GPAM: variants seen among roughly 807,000 people sequenced by gnomAD.
The protein encoded by GPAM is glycerol-3-phosphate acyltransferase, mitochondrial.
GPAM carries 56 observed loss-of-function variants against 105.0 expected under a neutral mutation model. That is an observed-to-expected ratio of 0.53 (90% CI 0.43 to 0.67). GPAM has a LOEUF of 0.67. Among genes scored for constraint, GPAM ranks in the 30% least tolerant of loss-of-function variants. The pLI is 0.00. For synonymous variants in GPAM, 368 were observed against 354.4 expected (o/e 1.04, Z -0.43); for missense variants, 855 against 989.8 (o/e 0.86, Z 1.83).
chr10:112,156,068 G>C lies in GPAM; in HGVS notation c.2122-15C>G, dbSNP rs1384607749. 4 of 1,594,104 alleles carry C rather than the reference G, an allele frequency of 2.5e-6. No individual in the cohort carries two copies. Among genetic ancestry groups the C allele is most frequent in the Non-Finnish European group, 3.4e-6 (4 of 1,163,344 alleles). On this transcript the variant is annotated splice_polypyrimidine_tract_variant and intron_variant, in intron 19 of 21. Transcript: ENST00000348367. ...GATTGGCTCACCTGAGTGTGCAAAA[G>C]CAGGAGATGAAGTCATGAGGAAGGG...
At chr10:112,160,274 C>T (rs1847099022) in intron 16 of GPAM, 1 of 501,792 alleles carries the variant, frequency 2.0e-6, no homozygotes, top group South Asian at 8.5e-5. Context: ...TTCTCTCCTT[C>T]CTCTCTTTTC....
intron 1 of GPAM, among the ~76,000 whole-genome samples, chr10:112,189,900 T>G (rs1013837032): frequency 6.6e-6 from 1 of 152,156 alleles, no homozygotes; most frequent in African/African-American, 2.4e-5. Flanking sequence ...CATTCCTGAT[T>G]GTCACTATGT....
rs561920860 is a variant in GPAM, at chr10:112,178,370, TG to T, written c.226-314del. On this transcript the variant is annotated intron_variant, in intron 4 of 21. Coordinates refer to ENST00000348367, the MANE Select transcript of GPAM (RefSeq NM_001244949.2). ...TTTGAGACCAGCCTGGCCAACATGGTGAAACTCCGTCTCTACCAAAAATATA... is the reference window on the plus strand; with the variant it reads ...TTTGAGACCAGCCTGGCCAACATGGTAAACTCCGTCTCTACCAAAAATATA... Among the ~76,000 whole-genome samples the T allele has an allele frequency of 3.5e-3, 529 of 152,100 alleles. 5 individuals carry two copies. Among genetic ancestry groups the T allele is most frequent in the African/African-American group, 0.011 (464 of 41,512 alleles).
In GPAM at chr10:112,160,757, C is replaced by A; in HGVS notation, c.1606G>T (p.Ala536Ser). The A allele has an allele frequency of 6.2e-7, 1 of 1,614,096 alleles. No individual in the cohort carries two copies. Among genetic ancestry groups the A allele is most frequent in the Non-Finnish European group, 8.5e-7 (1 of 1,179,966 alleles). ...SGNSEDVVMH[A>S]IQLLGNCVTI... ...ACACAATTTCCCAGCAGCTGTATGG[C>A]ATGCATTACTACATCTTCTGAATTT... Residue 536 changes from alanine (A) to serine (S), a missense_variant, in exon 16 of 22, where the codon GCC becomes TCC. Physicochemically the swap from Ala to Ser is moderately conservative, Grantham distance 99. Coordinates refer to ENST00000348367, the MANE Select transcript of GPAM (RefSeq NM_001244949.2).
At chr10:112,170,862 T>G (rs1564679129) in intron 9 of GPAM, among the ~76,000 whole-genome samples, 2 of 152,252 alleles carry the variant, frequency 1.3e-5, no homozygotes, top group African/African-American at 4.8e-5. Flanking sequence ...ACTGACTGCA[T>G]GAATCCATGG....
At chr10:112,168,167 A>G in intron 11 of GPAM, 145 bp downstream of exon 11, 2 of 680,824 alleles carry the variant, frequency 2.9e-6, no homozygotes, top group East Asian at 5.4e-5. Context: ...GCTACTCACC[A>G]TGCCCATCCA....
Position 112,172,271 on chromosome 10 carries a change from G to C in GPAM, c.705C>G (p.Asp235Glu). 6.2e-7 allele frequency: 1 copy of C among 1,610,462 alleles called. No individual in the cohort carries two copies. Among genetic ancestry groups the C allele is most frequent in the Non-Finnish European group, 8.5e-7 (1 of 1,176,744 alleles). ...LFLPVHRSHI[D>E]YLLLTFILFC... The stretch of plus-strand genomic sequence containing the variant: ...AGAGAATGAAAGTGAGCAGCAGATA[G>C]TCAATATGGGATCTATGAACTGGTA... Residue 235 changes from aspartate (D) to glutamate (E), a missense_variant, in exon 9 of 22, where the codon GAC becomes GAG. Asp to Glu is a conservative substitution (Grantham distance 45, BLOSUM62 2). Coordinates refer to ENST00000348367, the MANE Select transcript of GPAM (RefSeq NM_001244949.2).
intron 21 of GPAM, 41 bp from the exon 22 acceptor site, chr10:112,153,707 A>G: frequency 6.3e-7 from 1 of 1,598,024 alleles, no homozygotes. Context: ...CAAAAAATAA[A>G]AAATAAAAAA....
intron 17 of GPAM, 131 bp downstream of exon 17, chr10:112,159,780 G>T: frequency 1.1e-6 from 1 of 907,174 alleles, no homozygotes; most frequent in Non-Finnish European, 1.8e-6. Context: ...GGTGGTCACT[G>T]AAATCCAGGA....
chr10:112,214,936 T>G (rs1429929584), intron 1 of GPAM, among the ~76,000 whole-genome samples: 2 of 152,186 alleles, frequency 1.3e-5, no homozygotes, highest in African/African-American at 4.8e-5. Flanking sequence ...GAATGTTACA[T>G]CACAAACGTG....
chr10:112,170,227 G>C (rs1847289735), intron 9 of GPAM, among the ~76,000 whole-genome samples: 1 of 152,196 alleles, frequency 6.6e-6, no homozygotes, highest in African/African-American at 2.4e-5. Flanking sequence ...GCCACAGTAA[G>C]GTGTTGCCAA....
In GPAM at chr10:112,166,258, C is replaced by T. The variant is rs946740964; in HGVS notation, c.1221+144G>A. ...AAATTTTGTGGAAAAATTTAGGCAA[C>T]ACCACCTTTATCATAGTCCTCATTT... On this transcript the variant is annotated intron_variant, in intron 12 of 21. Coordinates refer to ENST00000348367, the MANE Select transcript of GPAM (RefSeq NM_001244949.2). 6 of 678,130 alleles carry T rather than the reference C, an allele frequency of 8.8e-6. No individual in the cohort carries two copies. The Admixed American group carries it at 1.1e-4, about 12-fold the overall frequency. The allele number at this position is 678,130 out of a possible 1,614,324, so 42.0% of individuals were successfully genotyped here. A position where few individuals can be genotyped will look rare whatever the true frequency, so the allele number is the denominator to read the frequency against.
intron 5 of GPAM, among the ~76,000 whole-genome samples, chr10:112,177,368 A>G (rs1266339504): frequency 6.6e-6 from 1 of 152,204 alleles, no homozygotes; most frequent in Non-Finnish European, 1.5e-5. Flanking sequence ...AAGGACTGCT[A>G]GCATTTGGCT....
At chr10:112,195,311 T>C (rs1461648363) in intron 1 of GPAM, among the ~76,000 whole-genome samples, 1 of 152,216 alleles carries the variant, frequency 6.6e-6, no homozygotes, top group African/African-American at 2.4e-5. Context: ...GCCTGTAACA[T>C]GTGTTAAATA....
chr10:112,168,693 T>C (rs929431677), intron 10 of GPAM, among the ~76,000 whole-genome samples, 160 bp downstream of exon 10: 1 of 151,966 alleles, frequency 6.6e-6, no homozygotes, highest in African/African-American at 2.4e-5. Context: ...ATTTTGGTAA[T>C]AACAACAACA....
rs1375348941 is a variant in GPAM at position 112,160,701 on chromosome 10, C to G, written c.1662G>C (p.Glu554Asp). Reference sequence around the variant, plus strand: ...CAGTTGTGCTGGGGGTGATAAAAAACTCATCGTTCCTGCTAGTGTGGGTGA... The same window carrying G: ...CAGTTGTGCTGGGGGTGATAAAAAAGTCATCGTTCCTGCTAGTGTGGGTGA... ...VTITHTSRND[E>D]FFITPSTTVP... Residue 554 changes from glutamate to aspartate, a missense_variant, in exon 16 of 22, where the codon GAG (glutamate) becomes GAC (aspartate). Glu to Asp is a conservative substitution (Grantham distance 45, BLOSUM62 2). Coordinates refer to ENST00000348367, the MANE Select transcript of GPAM (RefSeq NM_001244949.2). 6.2e-7 allele frequency: 1 copy of G among 1,613,910 alleles called. No individual in the cohort carries two copies. Among genetic ancestry groups the G allele is most frequent in the Admixed American group, 1.7e-5 (1 of 60,018 alleles).
the GPAM span, among the ~76,000 whole-genome samples, chr10:112,221,928 G>A: frequency 6.6e-6 from 1 of 152,192 alleles, no homozygotes; most frequent in Non-Finnish European, 1.5e-5. Context: ...ACTCACAAAG[G>A]TGACATGTGT....
chr10:112,159,749 T>C (rs537114643), intron 17 of GPAM, among the ~76,000 whole-genome samples, 162 bp downstream of exon 17: 4 of 152,260 alleles, frequency 2.6e-5, no homozygotes, highest in Admixed American at 2.0e-4. Flanking sequence ...CAAACCAAGA[T>C]AGTAAATGAC....
chr10:112,153,579 C>T lies in GPAM; in HGVS notation c.2458G>A (p.Glu820Lys). ...LPQCNRQKLL[E>K]YILSFVVL ...AGCACCACAAAACTCAGAATATATT[C>T]TAGAAGTTTTTGTCGGTTGCATTGA... Residue 820 changes from glutamate to lysine, a missense_variant, in exon 22 of 22, where the codon GAA (glutamate) becomes AAA (lysine). Physicochemically the swap from Glu to Lys is moderately conservative, Grantham distance 56. Coordinates refer to ENST00000348367, the MANE Select transcript of GPAM (RefSeq NM_001244949.2). 6.2e-7 allele frequency: 1 copy of T among 1,614,016 alleles called. No homozygotes were observed. The highest frequency in any genetic ancestry group is 8.5e-7 in the Non-Finnish European group (1 of 1,179,932).
Sources: allele counts gnomAD v4.1 joint callset (sites outside exome capture counted in the v4.1 genomes callset), GRCh38; gene constraint gnomAD v4.1.1; transcripts MANE v1.5; gene names NCBI Gene and HGNC (gene_info 2026-07-23, HGNC 2026-07-21).